Variants in SAMSN1 observed in about 807,000 individuals in gnomAD.
SAMSN1 encodes SAM domain, SH3 domain and nuclear localization signals 1.
A neutral mutation model predicts 42.0 loss-of-function variants in SAMSN1; 31 were observed. The ratio of observed to expected loss-of-function variants is 0.74; its 90% CI spans 0.55 to 1.00. The LOEUF (loss-of-function observed/expected upper bound fraction) is 1.00. SAMSN1 is among the 50% of genes least tolerant of loss of function. The pLI is 0.00. For synonymous variants in SAMSN1, 178 were observed against 151.9 expected (o/e 1.17, Z -1.26); for missense variants, 464 against 439.4 (o/e 1.06, Z -0.50).
At chr21:14,605,949 C>A (rs1982557595) in intron 5 of SAMSN1, among the ~76,000 whole-genome samples, 1 of 151,922 alleles carries the variant, frequency 6.6e-6, no homozygotes, top group Admixed American at 6.6e-5. Flanking sequence ...TCACGCCATT[C>A]TCCTTCCTCA....
chr21:14,598,782 G>A (rs909781308), intron 6 of SAMSN1, among the ~76,000 whole-genome samples: 10 of 152,040 alleles, frequency 6.6e-5, no homozygotes, highest in East Asian at 3.9e-4. Context: ...AATATATTTC[G>A]TAAGCATGGT....
upstream of SAMSN1, chr21:14,546,380 C>T: frequency 1.4e-6 from 2 of 1,473,590 alleles, no homozygotes; most frequent in Non-Finnish European, 1.8e-6. Context: ...AGGGACCTGC[C>T]ACTTCCTCCT....
At chr21:14,553,894 T>C (rs1242234016) in intron 2 of SAMSN1, among the ~76,000 whole-genome samples, 2 of 152,098 alleles carry the variant, frequency 1.3e-5, no homozygotes, top group Admixed American at 6.6e-5. Context: ...TTGATATGGG[T>C]TATTTAAAAA....
chr21:14,522,764 T>TA (rs1394248023), intron 1 of SAMSN1, among the ~76,000 whole-genome samples: 1 of 152,224 alleles, frequency 6.6e-6, no homozygotes, highest in Non-Finnish European at 1.5e-5. Flanking sequence ...AAAATTAATT[T>TA]AAAAAATTAA....
chr21:14,607,441 C>T (rs1982595863), intron 5 of SAMSN1, among the ~76,000 whole-genome samples: 1 of 152,174 alleles, frequency 6.6e-6, no homozygotes, highest in South Asian at 2.1e-4. Context: ...CAGCCTTGGT[C>T]TCTGGCCATC....
At chr21:14,590,926 T>C (rs1050846962) in intron 7 of SAMSN1, among the ~76,000 whole-genome samples, 1 of 152,098 alleles carries the variant, frequency 6.6e-6, no homozygotes, top group Non-Finnish European at 1.5e-5. Flanking sequence ...TGGACAGTAA[T>C]AAAACCAATG....
In SAMSN1 at chr21:14,625,963, G is replaced by A. The variant is rs555026256; in HGVS notation, c.157-9947C>T. Among the ~76,000 whole-genome samples the A allele has an allele frequency of 1.1e-3, 166 of 152,278 alleles. 2 individuals carry two copies. The highest frequency in any genetic ancestry group is 0.01 in the Admixed American group (154 of 15,298). ...CCAATGGAACAGAACTGAGACCTCT[G>A]AAATAATAACACACATCTACAATCA... On this transcript the variant is annotated intron_variant, in intron 2 of 15. Transcript: ENST00000647101.
chr21:14,555,516 A>C (rs2223092), intron 2 of SAMSN1, among the ~76,000 whole-genome samples: 82,020 of 151,972 alleles, frequency 0.54, 22,603 homozygotes, highest in East Asian at 0.79. Flanking sequence ...CCCTACCTTA[A>C]AGTTTTCAGA....
intron 5 of SAMSN1, among the ~76,000 whole-genome samples, chr21:14,503,895 A>G (rs28585611): frequency 4.8e-4 from 73 of 152,314 alleles, no homozygotes; most frequent in African/African-American, 1.7e-3. Context: ...TGGCATCCAC[A>G]GCTGAGAGGC....
intron 1 of SAMSN1, among the ~76,000 whole-genome samples, chr21:14,544,995 T>C (rs937885199): frequency 1.3e-5 from 2 of 152,142 alleles, no homozygotes; most frequent in African/African-American, 4.8e-5. Flanking sequence ...TTAAAAACTT[T>C]TCTGTATTAT....
intron 5 of SAMSN1, among the ~76,000 whole-genome samples, chr21:14,501,228 C>T (rs571961057): frequency 6.6e-6 from 1 of 152,300 alleles, no homozygotes; most frequent in South Asian, 2.1e-4. Context: ...AGTTTGATGA[C>T]ATGTTTCTGT....
intron 1 of SAMSN1, among the ~76,000 whole-genome samples, chr21:14,543,725 T>A (rs1372763310): frequency 1.3e-5 from 2 of 152,176 alleles, no homozygotes; most frequent in Non-Finnish European, 2.9e-5. Flanking sequence ...ATTTTCTTCA[T>A]TTTTTATATT....
intron 7 of SAMSN1, among the ~76,000 whole-genome samples, chr21:14,493,830 GT>G (rs1986798248): frequency 6.6e-6 from 1 of 152,074 alleles, no homozygotes; most frequent in African/African-American, 2.4e-5. Context: ...ATTCCTCTCA[GT>G]TTAAATGCAA....
In SAMSN1 at chr21:14,654,397, C is replaced by T. The variant is rs189736499; in HGVS notation, c.24+4351G>A. On this transcript the variant is annotated intron_variant, in intron 1 of 15. Transcript: ENST00000647101. ...TAAAATACGTAAACATGTAGGGAAA[C>T]CTAACAGAAATACAAAGTAGTGAGT... 1.3e-3 allele frequency among the ~76,000 whole-genome samples: 192 copies of T among 151,904 alleles called. 1 individual carries two copies. The highest frequency in any genetic ancestry group is 4.5e-3 in the African/African-American group (185 of 41,472).
At chr21:14,572,827 C>T (rs1981342312) in intron 2 of SAMSN1, among the ~76,000 whole-genome samples, 1 of 152,092 alleles carries the variant, frequency 6.6e-6, no homozygotes, top group South Asian at 2.1e-4. Flanking sequence ...AGTTACTAGC[C>T]TAGTCTCAAA....
intron 7 of SAMSN1, among the ~76,000 whole-genome samples, chr21:14,589,046 TCTTC>T (rs1441072162): frequency 1.3e-5 from 2 of 152,186 alleles, no homozygotes; most frequent in Admixed American, 6.5e-5. Context: ...TTTTGCTCAC[TCTTC>T]CTTAAGTAAT....
At chr21:14,529,814 T>G (rs185849418) in intron 1 of SAMSN1, among the ~76,000 whole-genome samples, 1 of 152,230 alleles carries the variant, frequency 6.6e-6, no homozygotes, top group Non-Finnish European at 1.5e-5. Context: ...AAATACTCAT[T>G]TGTATTGACT....
chr21:14,589,313 TTGGGA>T (rs1363088611), intron 7 of SAMSN1, among the ~76,000 whole-genome samples: 1 of 151,842 alleles, frequency 6.6e-6, no homozygotes, highest in Non-Finnish European at 1.5e-5. Context: ...AATAATAGAG[TTGGGA>T]TGGAAATCAA....
rs140243840 is a variant in SAMSN1, at chr21:14,619,527, A to AT, written c.157-3512dup. 74 of 179,610 alleles carry AT rather than the reference A, an allele frequency of 4.1e-4. 2 individuals carry two copies. In the Middle Eastern group the frequency reaches 0.013, roughly 32 times the overall value. 11.1% of individuals were successfully genotyped at this position (179,610 alleles called of 1,614,324 possible). ...GGTGGATTTAAAACATTTCTAATGT[A>AT]TTTTTTTTGGAATTGCACAAGTCAT... On this transcript the variant is annotated intron_variant, in intron 2 of 15. Coordinates refer to the SAMSN1 transcript ENST00000647101.
Sources: gnomAD v4.1 joint callset for allele counts (sites outside exome capture counted in the v4.1 genomes callset) on GRCh38, gnomAD v4.1.1 for gene constraint, MANE v1.5 for transcripts, NCBI Gene and HGNC (gene_info 2026-07-23, HGNC 2026-07-21) for gene names.